THSD7A: variants seen among roughly 807,000 people sequenced by gnomAD.
THSD7A encodes thrombospondin type-1 domain-containing protein 7A.
Under a neutral mutation model 231.3 loss-of-function variants are expected in THSD7A, and 96 were observed. The observed-to-expected ratio is 0.41, with a 90% CI of 0.35 to 0.49. The LOEUF (loss-of-function observed/expected upper bound fraction) is 0.49. Ranked by LOEUF, THSD7A falls within the 20% of genes least tolerant of loss-of-function variation. The pLI is 0.05. For missense variants in THSD7A, 2,290 were observed against 2,070.2 expected, an observed-to-expected ratio of 1.11 and a Z score of -2.06; for synonymous variants, 940 against 743.3, an observed-to-expected ratio of 1.26 and a Z score of -4.30.
rs569907949 is a variant in THSD7A, at chr7:11,595,780, T to G, written c.1023-2278A>C. Among the ~76,000 whole-genome samples the G allele has an allele frequency of 4.2e-4, 64 of 152,296 alleles. No homozygotes were observed. In the South Asian group the frequency reaches 0.013, roughly 31 times the overall value. On this transcript the variant is annotated intron_variant, in intron 2 of 27. Coordinates refer to ENST00000423059, the MANE Select transcript of THSD7A (RefSeq NM_015204.3). ...AACCAAAGTCACTCAACTACAAAACTTAAATACAATGAGAATAATTGGATC... is the reference window on the plus strand; with the variant it reads ...AACCAAAGTCACTCAACTACAAAACGTAAATACAATGAGAATAATTGGATC...
Position 11,379,837 on chromosome 7 carries a change from G to A in THSD7A, c.4508-125C>T, listed in dbSNP as rs944286412. The A allele has an allele frequency of 1.1e-5, 11 of 1,024,674 alleles. No homozygotes were observed. The African/African-American group carries it at 1.6e-4, about 15-fold the overall frequency. 63.5% of individuals were successfully genotyped at this position (1,024,674 alleles called of 1,614,324 possible). A position where few individuals can be genotyped will look rare whatever the true frequency, so the allele number is the denominator to read the frequency against. On this transcript the variant is annotated intron_variant, in intron 24 of 27. Coordinates refer to ENST00000423059, the MANE Select transcript of THSD7A (RefSeq NM_015204.3). ...GAATCCCAGGAATTTTTCTGTCAGT[G>A]GTTGACTGTGAAATATTTGGTTAAC...
chr7:11,591,185 C>T (rs1341188400), intron 3 of THSD7A, among the ~76,000 whole-genome samples: 3 of 140,518 alleles, frequency 2.1e-5, no homozygotes, highest in Non-Finnish European at 3.0e-5. Context: ...TAGCACTGAG[C>T]ATTCCTAATG....
At chr7:11,443,244 C>T (rs6460817) in intron 13 of THSD7A, among the ~76,000 whole-genome samples, 1,922 of 152,080 alleles carry the variant, frequency 0.013, 46 homozygotes, top group African/African-American at 0.044. Flanking sequence ...AAAATGTGAG[C>T]AAACACTTAT....
chr7:11,654,998 GT>G (rs1029157661), intron 1 of THSD7A, among the ~76,000 whole-genome samples: 1 of 151,786 alleles, frequency 6.6e-6, no homozygotes, highest in African/African-American at 2.4e-5. Flanking sequence ...ATAGTGCAAC[GT>G]TTTATAGCCA....
Position 11,412,759 on chromosome 7 carries a change from G to A in THSD7A, c.3579C>T (p.Pro1193=). 2 of 1,613,502 alleles carry A rather than the reference G, an allele frequency of 1.2e-6. No individual in the cohort carries two copies. The highest frequency in any genetic ancestry group is 1.7e-6 in the Non-Finnish European group (2 of 1,179,656). The change falls in exon 18 of 28, where the codon CCC becomes CCT. Residue 1193 remains proline, a synonymous_variant. Coordinates refer to ENST00000423059, the MANE Select transcript of THSD7A (RefSeq NM_015204.3). ...TTCCTTCATCAGCTGGTTGTCTGAT[G>A]GGATCAGCTGACCTTTGCCGGAAAC... ...QSSFRQRSAD[P]IRQPADEGRS...
chr7:11,737,250 C>A (rs1190077667), intron 1 of THSD7A, among the ~76,000 whole-genome samples: 1 of 151,970 alleles, frequency 6.6e-6, no homozygotes, highest in Non-Finnish European at 1.5e-5. Flanking sequence ...AAGGTCAGAT[C>A]AGACTGAGAG....
rs75981975 is a variant in THSD7A at position 11,481,672 on chromosome 7, T to C, written c.2017+116A>G. ...ACATCAACAGATATTAAATCTTGGA[T>C]GGCTGAATTTCTGGTTGTTGACTTT... On this transcript the variant is annotated intron_variant, in intron 7 of 27. Coordinates refer to ENST00000423059, the MANE Select transcript of THSD7A (RefSeq NM_015204.3). 2.1e-3 allele frequency: 2,342 copies of C among 1,090,388 alleles called. 43 individuals are homozygous for C. The African/African-American group carries it at 0.034, about 16-fold the overall frequency. The allele number at this position is 1,090,388 out of a possible 1,614,324, so 67.5% of individuals were successfully genotyped here.
At chr7:11,824,858 T>C (rs1784979212) in intron 1 of THSD7A, among the ~76,000 whole-genome samples, 1 of 152,164 alleles carries the variant, frequency 6.6e-6, no homozygotes, top group African/African-American at 2.4e-5. Flanking sequence ...GTGACAATGT[T>C]AATTTCAAGA....
chr7:11,692,720 G>A (rs1290025978), intron 1 of THSD7A, among the ~76,000 whole-genome samples: 2 of 151,494 alleles, frequency 1.3e-5, no homozygotes, highest in African/African-American at 4.8e-5. Context: ...ATTTCCTAAT[G>A]CTAACTATAA....
At chr7:11,676,473 C>A (rs1051060432) in intron 1 of THSD7A, among the ~76,000 whole-genome samples, 23 of 152,002 alleles carry the variant, frequency 1.5e-4, no homozygotes, top group African/African-American at 5.6e-4. Context: ...CTCCTCTGAA[C>A]TAAAGGAGCA....
chr7:11,389,971 C>T (rs936250278), intron 23 of THSD7A, among the ~76,000 whole-genome samples: 1 of 152,194 alleles, frequency 6.6e-6, no homozygotes, highest in Admixed American at 6.5e-5. Flanking sequence ...AGGGTTTCTG[C>T]AGAGGGATCC....
chr7:11,780,675 C>T (rs1783594505), intron 1 of THSD7A, among the ~76,000 whole-genome samples: 1 of 152,084 alleles, frequency 6.6e-6, no homozygotes, highest in Non-Finnish European at 1.5e-5. Flanking sequence ...AAACCATTTC[C>T]CATATTCCTG....
intron 6 of THSD7A, among the ~76,000 whole-genome samples, chr7:11,508,646 C>A (rs574579503): frequency 6.6e-6 from 1 of 152,192 alleles, no homozygotes; most frequent in Non-Finnish European, 1.5e-5. Flanking sequence ...TTAGCACTAC[C>A]ATGTTCATTG....
intron 2 of THSD7A, among the ~76,000 whole-genome samples, chr7:11,611,662 ATAT>A (rs1207999420): frequency 1.3e-5 from 2 of 151,860 alleles, no homozygotes; most frequent in African/African-American, 4.8e-5. Flanking sequence ...AAATTTAATA[ATAT>A]TATAATTTAC....
At chr7:11,544,020 G>A (rs917616075) in intron 4 of THSD7A, among the ~76,000 whole-genome samples, 12 of 151,880 alleles carry the variant, frequency 7.9e-5, no homozygotes, top group African/African-American at 1.7e-4. Flanking sequence ...TCTATCTCCT[G>A]ATGCCATATT....
rs2128340744 is a variant in THSD7A, at chr7:11,590,282, G to A, written c.1453+178C>T. Among the ~76,000 whole-genome samples the A allele has an allele frequency of 6.6e-6, 1 of 152,262 alleles. No homozygotes were observed. Among genetic ancestry groups the A allele is most frequent in the African/African-American group, 2.4e-5 (1 of 41,550 alleles). On this transcript the variant is annotated intron_variant, in intron 4 of 27. Coordinates refer to ENST00000423059, the MANE Select transcript of THSD7A (RefSeq NM_015204.3). This position sits in a 1 kb window ranked among gnomAD's most constrained non-coding sequence, Gnocchi z 4.4. Reference sequence around the variant, plus strand: ...ACCAGAACTGACCAAAGATGGAATTGTGTTAAATATTTTCACAACCATAAT... The same window carrying A: ...ACCAGAACTGACCAAAGATGGAATTATGTTAAATATTTTCACAACCATAAT...
At chr7:11,608,528 A>T (rs193298290) in intron 2 of THSD7A, among the ~76,000 whole-genome samples, 16 of 152,146 alleles carry the variant, frequency 1.1e-4, no homozygotes, top group Admixed American at 2.0e-4. Flanking sequence ...CGTTCACCTG[A>T]CCTGACCATT....
At chr7:11,558,211 C>T (rs1444397246) in intron 4 of THSD7A, among the ~76,000 whole-genome samples, 1 of 152,112 alleles carries the variant, frequency 6.6e-6, no homozygotes, top group African/African-American at 2.4e-5. Context: ...GCCTTCTTCT[C>T]TCCAACTTTC....
intron 1 of THSD7A, among the ~76,000 whole-genome samples, chr7:11,647,005 G>A (rs1012192081): frequency 6.6e-6 from 1 of 152,020 alleles, no homozygotes; most frequent in Non-Finnish European, 1.5e-5. Context: ...GGAGATTTAT[G>A]AAATGCGTCT....
Sources: gnomAD v4.1 joint callset for allele counts (sites outside exome capture counted in the v4.1 genomes callset) on GRCh38, gnomAD v4.1.1 for gene constraint, Gnocchi (gnomAD v3.1) non-coding constraint, MANE v1.5 for transcripts, NCBI Gene and HGNC (gene_info 2026-07-23, HGNC 2026-07-21) for gene names.